The following RNF145 variants were observed in gnomAD, a reference collection of about 807,000 sequenced individuals.
The protein encoded by RNF145 is ring finger protein 145.
In RNF145, 12 loss-of-function variants were observed where a neutral mutation model predicts 57.3. That is an observed-to-expected ratio of 0.21 (90% CI 0.13 to 0.34). The LOEUF (loss-of-function observed/expected upper bound fraction) is 0.34, where lower values mean the gene tolerates loss of function less well. Among genes scored for constraint, RNF145 ranks in the 10% least tolerant of loss-of-function variants. RNF145 has a pLI of 1.00. For missense variants in RNF145, 429 were observed against 799.0 expected (o/e 0.54, Z 5.58); for synonymous variants, 262 against 288.3 (o/e 0.91, Z 0.92).
At chr5:159,162,503 C>T (rs554116901) in intron 9 of RNF145, among the ~76,000 whole-genome samples, 175 of 149,046 alleles carry the variant, frequency 1.2e-3, no homozygotes, top group African/African-American at 4.2e-3. Context: ...GGCGCAATCT[C>T]GGCTCACTGC....
intron 2 of RNF145, among the ~76,000 whole-genome samples, chr5:159,195,887 T>G (rs1169338441): frequency 6.6e-6 from 1 of 152,210 alleles, no homozygotes; most frequent in Non-Finnish European, 1.5e-5. Flanking sequence ...TCCACTTAAA[T>G]GTTCTCATAT....
intron 3 of RNF145, among the ~76,000 whole-genome samples, chr5:159,184,261 C>T (rs1049608892): frequency 1.3e-5 from 2 of 152,208 alleles, no homozygotes; most frequent in African/African-American, 2.4e-5. Context: ...TCATAGCCTA[C>T]GTTAGTTTAT....
chr5:159,203,692 A>C (rs777431410), intron 1 of RNF145, 36 bp from the exon 2 acceptor site: 1 of 1,438,078 alleles, frequency 7.0e-7, no homozygotes, highest in East Asian at 2.3e-5. Flanking sequence ...AAAAATAAAA[A>C]GTCAACACAA....
intron 6 of RNF145, among the ~76,000 whole-genome samples, chr5:159,173,404 A>G (rs1271701415): frequency 6.6e-6 from 1 of 151,982 alleles, no homozygotes; most frequent in Non-Finnish European, 1.5e-5. Context: ...CAATTACCGG[A>G]CTCTTTCTCG....
chr5:159,188,624 T>C (rs1266408818), intron 3 of RNF145, among the ~76,000 whole-genome samples: 2 of 152,188 alleles, frequency 1.3e-5, no homozygotes, highest in African/African-American at 4.8e-5. Context: ...AAGAGTTTAG[T>C]AATTTTAAAA....
intron 6 of RNF145, among the ~76,000 whole-genome samples, chr5:159,170,210 G>A (rs554718448): frequency 6.6e-6 from 1 of 152,254 alleles, no homozygotes; most frequent in East Asian, 1.9e-4. Context: ...TGTTCACTGT[G>A]CTACATTATA....
chr5:159,192,808 T>C (rs1039967315), intron 3 of RNF145, among the ~76,000 whole-genome samples: 1 of 152,230 alleles, frequency 6.6e-6, no homozygotes, highest in Non-Finnish European at 1.5e-5. Context: ...TTTGAACCTA[T>C]CCAAACCATC....
intron 2 of RNF145, among the ~76,000 whole-genome samples, chr5:159,198,059 G>A (rs537563407): frequency 6.6e-6 from 1 of 151,904 alleles, no homozygotes; most frequent in African/African-American, 2.4e-5. Flanking sequence ...GGGTAACACG[G>A]CAAATTCCTG....
chr5:159,186,694 T>C (rs1455354237), intron 3 of RNF145, among the ~76,000 whole-genome samples: 2 of 152,196 alleles, frequency 1.3e-5, no homozygotes, highest in African/African-American at 4.8e-5. Flanking sequence ...ACCCAGAGTT[T>C]ATTTAAACTG....
chr5:159,159,182 G>A lies in RNF145; in HGVS notation c.1627-147C>T. Reference sequence around the variant, plus strand: ...AGAATAAAACTTACTTTATATATCAGTAATAATCCTGCTGCCATCACAGAT... The same window carrying A: ...AGAATAAAACTTACTTTATATATCAATAATAATCCTGCTGCCATCACAGAT... On this transcript the variant is annotated intron_variant, in intron 10 of 10. Coordinates refer to ENST00000424310, the MANE Select transcript of RNF145 (RefSeq NM_001199383.2). 8.8e-6 allele frequency: 6 copies of A among 684,168 alleles called. No homozygotes were observed. In the South Asian group the frequency reaches 1.2e-4, roughly 14 times the overall value. The allele number at this position is 684,168 out of a possible 1,614,324, so 42.4% of individuals were successfully genotyped here.
chr5:159,190,524 A>C (rs1785252211), intron 3 of RNF145, among the ~76,000 whole-genome samples: 1 of 151,942 alleles, frequency 6.6e-6, no homozygotes, highest in Non-Finnish European at 1.5e-5. Context: ...CCATCTCTAC[A>C]AAAAAATATT....
At position 159,180,403 on chromosome 5, in the gene RNF145, G is replaced by A. The variant is rs140802706; in HGVS notation, c.385+1557C>T. Among the ~76,000 whole-genome samples, 627 of 151,950 alleles carry A rather than the reference G, an allele frequency of 4.1e-3. 7 individuals are homozygous for A. The highest frequency in any genetic ancestry group is 0.015 in the African/African-American group (604 of 41,438). On this transcript the variant is annotated intron_variant, in intron 4 of 10. Coordinates refer to ENST00000424310, the MANE Select transcript of RNF145 (RefSeq NM_001199383.2). Reference sequence around the variant, plus strand: ...CCATCTAAAAGGCCTTCTTGAACAGGACCCAAGAAAATCCTACACAGACTT... The same window carrying A: ...CCATCTAAAAGGCCTTCTTGAACAGAACCCAAGAAAATCCTACACAGACTT...
chr5:159,208,698 AGGGAG>A (rs1334548052), intron 1 of RNF145, among the ~76,000 whole-genome samples: 1 of 152,068 alleles, frequency 6.6e-6, no homozygotes, highest in Non-Finnish European at 1.5e-5. Context: ...GAAGGGAAAG[AGGGAG>A]GGGAGCTTGG....
At chr5:159,205,047 C>G (rs1269817450) in intron 1 of RNF145, among the ~76,000 whole-genome samples, 2 of 152,116 alleles carry the variant, frequency 1.3e-5, no homozygotes, top group Non-Finnish European at 2.9e-5. Context: ...GTATTTCCAT[C>G]TTACCCTCCA....
intron 6 of RNF145, among the ~76,000 whole-genome samples, chr5:159,173,053 G>A (rs1018719564): frequency 1.3e-5 from 2 of 152,128 alleles, no homozygotes; most frequent in Admixed American, 6.6e-5. Context: ...AATAAAATGG[G>A]AAAATGACTT....
At position 159,169,674 on chromosome 5, in the gene RNF145, C is replaced by T. The variant is rs2113111512; in HGVS notation, c.938+5G>A. The stretch of plus-strand genomic sequence containing the variant: ...TTTCTAGATATAATCAAGGAAAGAA[C>T]TTACCGATTCATGGCAGGATCATTC... On this transcript the variant is annotated splice_donor_5th_base_variant and intron_variant, in intron 7 of 10. Coordinates refer to ENST00000424310, the MANE Select transcript of RNF145 (RefSeq NM_001199383.2). 1.3e-6 allele frequency: 2 copies of T among 1,589,792 alleles called. No homozygotes were observed. Among genetic ancestry groups the T allele is most frequent in the Non-Finnish European group, 1.7e-6 (2 of 1,172,304 alleles).
chr5:159,168,265 TAG>T (rs1405924900), intron 8 of RNF145, among the ~76,000 whole-genome samples: 4 of 152,290 alleles, frequency 2.6e-5, no homozygotes, highest in South Asian at 2.1e-4. Context: ...CAATAAAATA[TAG>T]AGAGTTTAAA....
At chr5:159,194,280 T>C (rs965698377) in intron 3 of RNF145, among the ~76,000 whole-genome samples, 2 of 152,194 alleles carry the variant, frequency 1.3e-5, no homozygotes, top group African/African-American at 4.8e-5. Flanking sequence ...TACAGGAAAG[T>C]TCAAGGATAT....
intron 3 of RNF145, among the ~76,000 whole-genome samples, chr5:159,188,197 A>G (rs528643121): frequency 4.6e-5 from 7 of 151,968 alleles, no homozygotes; most frequent in African/African-American, 1.4e-4. Flanking sequence ...CCTGGCTAAC[A>G]TGGTGAAACC....
Sources: allele counts gnomAD v4.1 joint callset (sites outside exome capture counted in the v4.1 genomes callset), GRCh38; gene constraint gnomAD v4.1.1; transcripts MANE v1.5; gene names NCBI Gene and HGNC (gene_info 2026-07-23, HGNC 2026-07-21).